Variants in TEX10 observed in about 807,000 individuals in gnomAD.
TEX10 encodes the protein testis expressed 10.
TEX10 carries 24 observed loss-of-function variants against 104.4 expected under a neutral mutation model. That is an observed-to-expected ratio of 0.23 (90% CI 0.17 to 0.32). The LOEUF is 0.32. TEX10 is among the 10% of genes least tolerant of loss of function. The probability of loss-of-function intolerance (pLI) is 1.00; values close to 1 mark genes in which losing one functional copy is unlikely to be tolerated. For missense variants in TEX10, 921 were observed against 1,083.9 expected, an observed-to-expected ratio of 0.85 and a Z score of 2.11; for synonymous variants, 396 against 393.4, an observed-to-expected ratio of 1.01 and a Z score of -0.08.
At position 100,320,292 on chromosome 9, in the gene TEX10, T is replaced by C. The variant is rs758944307; in HGVS notation, c.2175A>G (p.Gln725=). The change falls in exon 11 of 15, where the codon CAA becomes CAG. Residue 725 remains glutamine (Q), a synonymous_variant. Transcript: ENST00000374902. ...CTGTTACATCCCAGTGGTGTAAAAA[T>C]TGATCCAAATCTGTAAGGTAGAGAA... ...PVLLYLTDLD[Q]FLHHWDVTEA... is the part of the protein sequence containing the mutation. The C allele has an allele frequency of 1.2e-6, 2 of 1,612,232 alleles. No individual in the cohort carries two copies. Among genetic ancestry groups the C allele is most frequent in the Admixed American group, 3.3e-5 (2 of 59,814 alleles).
intron 5 of TEX10, among the ~76,000 whole-genome samples, chr9:100,332,362 G>C (rs1834884845): frequency 6.6e-6 from 1 of 152,162 alleles, no homozygotes; most frequent in South Asian, 2.1e-4. Context: ...TTACAATCCG[G>C]AAAGTCTCAA....
chr9:100,309,920 T>C (rs1834231209), intron 12 of TEX10, among the ~76,000 whole-genome samples: 1 of 152,210 alleles, frequency 6.6e-6, no homozygotes, highest in Non-Finnish European at 1.5e-5. Flanking sequence ...ATGATGTGCC[T>C]ACTTTGGACC....
intron 5 of TEX10, among the ~76,000 whole-genome samples, chr9:100,330,544 G>C (rs114506724): frequency 9.9e-4 from 151 of 152,312 alleles, no homozygotes; most frequent in African/African-American, 3.5e-3. Context: ...TCTTGGCTCT[G>C]CTTTTAACTA....
Position 100,349,308 on chromosome 9 carries a change from C to T in TEX10, c.56G>A (p.Gly19Asp). Residue 19 changes from glycine (G) to aspartate (D), a missense_variant, in exon 2 of 15, where the codon GGT becomes GAT. By Grantham distance (94) the Gly-to-Asp change is moderately conservative. Transcript: ENST00000374902. ...ATTTTGTAACTTGGGCTTCTTTTTA[C>T]CAACTTTCAATTTTACTTTTTGAAA... is the stretch of plus-strand genomic sequence containing the variant. The part of the protein sequence containing the change: ...HDFQKVKLKV[G>D]KKKPKLQNAT... 4.4e-6 allele frequency: 7 copies of T among 1,604,002 alleles called. No homozygotes were observed. Among genetic ancestry groups the T allele is most frequent in the Non-Finnish European group, 5.9e-6 (7 of 1,177,274 alleles).
In TEX10 at chr9:100,328,033, A is replaced by T. The variant is rs560298090; in HGVS notation, c.1626-71T>A. The T allele has an allele frequency of 1.3e-4, 158 of 1,250,198 alleles. 1 individual carries two copies. Among genetic ancestry groups the T allele is most frequent in the South Asian group, 1.2e-3 (45 of 38,794 alleles). 77.4% of individuals were successfully genotyped at this position (1,250,198 alleles called of 1,614,324 possible). A position where few individuals can be genotyped will look rare whatever the true frequency, so the allele number is the denominator to read the frequency against. On this transcript the variant is annotated intron_variant, in intron 7 of 14. Coordinates refer to ENST00000374902, the MANE Select transcript of TEX10 (RefSeq NM_017746.4). ...GGAAATAAATTTAAACAAAAAAAAA[A>T]TTTTTTTTTAACTTAAATATATCAC...
At chr9:100,322,638 A>C (rs1041135493) in intron 9 of TEX10, among the ~76,000 whole-genome samples, 2 of 151,400 alleles carry the variant, frequency 1.3e-5, no homozygotes, top group African/African-American at 4.9e-5. Flanking sequence ...TTTTGGGGGG[A>C]TGGAGTTTCT....
At chr9:100,337,968 T>A (rs1468018069) in intron 5 of TEX10, among the ~76,000 whole-genome samples, 1 of 152,246 alleles carries the variant, frequency 6.6e-6, no homozygotes, top group Non-Finnish European at 1.5e-5. Context: ...TTGTGTTACA[T>A]ATGTAAATAT....
intron 1 of TEX10, among the ~76,000 whole-genome samples, chr9:100,351,937 G>A (rs1405248651): frequency 6.6e-6 from 1 of 152,184 alleles, no homozygotes; most frequent in Non-Finnish European, 1.5e-5. Flanking sequence ...CAGTCTCAGA[G>A]GAGGAGCTCA....
In TEX10 at chr9:100,308,641, A is replaced by T; in HGVS notation, c.2324T>A (p.Val775Asp). 1 of 1,609,352 alleles carries T rather than the reference A, an allele frequency of 6.2e-7. No individual in the cohort carries two copies. The highest frequency in any genetic ancestry group is 8.5e-7 in the Non-Finnish European group (1 of 1,177,980). The change falls in exon 13 of 15, where the codon GTT (valine) becomes GAT (aspartate). Residue 775 changes from valine (V) to aspartate (D), a missense_variant. Physicochemically the swap from Val to Asp is radical, Grantham distance 152. Transcript: ENST00000374902. The part of the protein sequence containing the change: ...TVIPDSTAGC[V>D]FGVICKLLDH... ...CAGGAGCTTACAGATAACACCAAAA[A>T]CACAGCCAGCCGTGCTGTCAGGAAT...
chr9:100,333,063 G>A (rs1486646536), intron 5 of TEX10, among the ~76,000 whole-genome samples: 1 of 151,934 alleles, frequency 6.6e-6, no homozygotes, highest in Non-Finnish European at 1.5e-5. Context: ...GGAGTGCAGT[G>A]GCACGATCCT....
chr9:100,346,789 A>G lies in TEX10; in HGVS notation c.798T>C (p.Phe266=). 5 of 1,614,158 alleles carry G rather than the reference A, an allele frequency of 3.1e-6. No homozygotes were observed. Among genetic ancestry groups the G allele is most frequent in the Non-Finnish European group, 4.2e-6 (5 of 1,180,004 alleles). ...CGTTGGCATGTTCCTTCCAGTTGATAAAAATGGAGTTGCTAGTGGCATGGG... is the reference window on the plus strand; with the variant it reads ...CGTTGGCATGTTCCTTCCAGTTGATGAAAATGGAGTTGCTAGTGGCATGGG... ...ENPHATSNSI[F]INWKEHANDQ... The change falls in exon 3 of 15, where the codon TTT becomes TTC. Residue 266 remains phenylalanine, a synonymous_variant. Transcript: ENST00000374902.
In TEX10 at chr9:100,303,781, T is replaced by C. The variant is rs35565092; in HGVS notation, c.2527A>G (p.Met843Val). The C allele has an allele frequency of 1.4e-3, 2,309 of 1,614,016 alleles. 3 individuals are homozygous for C. Among genetic ancestry groups the C allele is most frequent in the Non-Finnish European group, 1.6e-3 (1,914 of 1,180,008 alleles). ...CTGTTCACCCGCAGGCTCTGCAGCA[T>C]CAACCTGAGGACTCGAGGCAAGAGA... ...LALLPRVLRL[M>V]LQSLRVNRVG... The change falls in exon 14 of 15, where the codon ATG (methionine) becomes GTG (valine). Residue 843 changes from methionine (M) to valine (V), a missense_variant. Coordinates refer to ENST00000374902, the MANE Select transcript of TEX10 (RefSeq NM_017746.4).
rs770153140 is a variant in TEX10, at chr9:100,329,276, CTACA to C, written c.1490-5_1490-2del. ...GCCTTAATAAGAGTCTCTGTGTCCT[CTACA>C]AACAGAAAGAAAACAACTTGCATAT... On this transcript the variant is annotated splice_acceptor_variant and splice_polypyrimidine_tract_variant and intron_variant, in intron 6 of 14. Coordinates refer to ENST00000374902, the MANE Select transcript of TEX10 (RefSeq NM_017746.4). LOFTEE classifies it high-confidence loss of function. 6.3e-7 allele frequency: 1 copy of C among 1,589,586 alleles called. No individual in the cohort carries two copies. Among genetic ancestry groups the C allele is most frequent in the Non-Finnish European group, 8.5e-7 (1 of 1,174,828 alleles).
intron 4 of TEX10, among the ~76,000 whole-genome samples, chr9:100,341,044 G>A (rs1322384425): frequency 6.6e-6 from 1 of 151,906 alleles, no homozygotes; most frequent in Non-Finnish European, 1.5e-5. Flanking sequence ...TCAGCTCACT[G>A]CAACCTCTGC....
intron 5 of TEX10, among the ~76,000 whole-genome samples, chr9:100,338,907 C>T (rs572345804): frequency 2.2e-4 from 34 of 151,554 alleles, no homozygotes; most frequent in African/African-American, 6.8e-4. Flanking sequence ...AAATCACTGT[C>T]GCAGTTTCTG....
chr9:100,303,886 C>G, intron 13 of TEX10, 44 bp from the exon 14 acceptor site: 1 of 1,582,592 alleles, frequency 6.3e-7, no homozygotes, highest in Non-Finnish European at 8.7e-7. Flanking sequence ...CAAATGCCCA[C>G]AGGAAAAGCC....
intron 1 of TEX10, 52 bp downstream of exon 1, chr9:100,352,720 G>C: frequency 8.0e-7 from 1 of 1,253,476 alleles, no homozygotes; most frequent in Non-Finnish European, 1.0e-6. Flanking sequence ...GCCCCACCAC[G>C]CTCAGTCCCG....
intron 5 of TEX10, among the ~76,000 whole-genome samples, chr9:100,337,856 A>G (rs1402549734): frequency 6.6e-6 from 1 of 151,096 alleles, no homozygotes; most frequent in Non-Finnish European, 1.5e-5. Context: ...ACTACTCTTC[A>G]ATTTAGCTTT....
chr9:100,316,910 A>AGC (rs1554734918), intron 11 of TEX10, among the ~76,000 whole-genome samples: 12 of 145,890 alleles, frequency 8.2e-5, no homozygotes, highest in Non-Finnish European at 1.5e-4. Flanking sequence ...AAAAAAAAAA[A>AGC]AAAAAACCTA....
Sources: gnomAD v4.1 joint callset for allele counts (sites outside exome capture counted in the v4.1 genomes callset) on GRCh38, gnomAD v4.1.1 for gene constraint, MANE v1.5 for transcripts, NCBI Gene and HGNC (gene_info 2026-07-23, HGNC 2026-07-21) for gene names.